Variants in MTUS2 observed in about 807,000 individuals in gnomAD.
MTUS2 encodes microtubule-associated tumor suppressor candidate 2.
Under a neutral mutation model 114.1 loss-of-function variants are expected in MTUS2, and 40 were observed. That is an observed-to-expected ratio of 0.35 (90% CI 0.27 to 0.46). The LOEUF (loss-of-function observed/expected upper bound fraction) is 0.46, where lower values mean the gene tolerates loss of function less well. Ranked by LOEUF, MTUS2 falls within the 20% of genes least tolerant of loss-of-function variation. The probability of loss-of-function intolerance (pLI) is 1.00; values close to 1 mark genes in which losing one functional copy is unlikely to be tolerated. For synonymous variants in MTUS2, 688 were observed against 672.0 expected, an observed-to-expected ratio of 1.02 and a Z score of -0.37; for missense variants, 1,679 against 1,705.4, an observed-to-expected ratio of 0.98 and a Z score of 0.27.
intron 7 of MTUS2, among the ~76,000 whole-genome samples, chr13:29,338,179 T>C (rs1901181224): frequency 6.6e-6 from 1 of 152,216 alleles, no homozygotes; most frequent in South Asian, 2.1e-4. Context: ...CCCGATAGTC[T>C]AGGGCTTGTT....
chr13:29,278,298 T>TGA (rs1898140758), intron 5 of MTUS2, among the ~76,000 whole-genome samples: 1 of 152,170 alleles, frequency 6.6e-6, no homozygotes, highest in Admixed American at 6.5e-5. Context: ...TGCATTAAAA[T>TGA]GAGAAAGTTC....
Position 28,834,710 on chromosome 13 carries a change from G to GAT in MTUS2, c.-315-5065_-315-5064dup, listed in dbSNP as rs1874948443. Among the ~76,000 whole-genome samples the GAT allele has an allele frequency of 2.0e-5, 3 of 152,142 alleles. No individual in the cohort carries two copies. In the South Asian group the frequency reaches 6.2e-4, roughly 32 times the overall value. ...AATTACAAAATTGTTTCCTTCAGAGGATATCATCAAGAAAGAGAAAAGACA... is the reference window on the plus strand; with the variant it reads ...AATTACAAAATTGTTTCCTTCAGAGGATATATCATCAAGAAAGAGAAAAGACA... On this transcript the variant is annotated intron_variant, in intron 1 of 15. Coordinates refer to ENST00000612955, the MANE Select transcript of MTUS2 (RefSeq NM_001033602.4).
chr13:29,002,459 TTATC>T (rs1371403880), intron 2 of MTUS2, among the ~76,000 whole-genome samples: 3 of 152,212 alleles, frequency 2.0e-5, no homozygotes, highest in South Asian at 2.1e-4. Context: ...CAGAATTTGA[TTATC>T]TATTACAAAG....
rs531372174 is a variant in MTUS2 at position 29,496,795 on chromosome 13, G to A, written c.3580-443G>A. Among the ~76,000 whole-genome samples the A allele has an allele frequency of 2.0e-5, 3 of 152,220 alleles. No homozygotes were observed. The highest frequency in any genetic ancestry group is 4.8e-5 in the African/African-American group (2 of 41,526). ...TGTTGATGTGGGAGGGGTCCCAAGG[G>A]AGAGAAAGAAGTCAAGGAGGGTTTG... is the stretch of plus-strand genomic sequence containing the variant. On this transcript the variant is annotated intron_variant, in intron 12 of 15. Transcript: ENST00000612955. The surrounding 1 kb of genome is among the most constrained non-coding windows in gnomAD (Gnocchi z 4.3).
At chr13:29,469,637 A>AAAAAAG (rs1555282875) in intron 9 of MTUS2, among the ~76,000 whole-genome samples, 1 of 146,702 alleles carries the variant, frequency 6.8e-6, no homozygotes, top group African/African-American at 2.6e-5. Flanking sequence ...AAAAAAAAAA[A>AAAAAAG]AAAGAAAGAA....
At chr13:28,991,220 G>T (rs1163324799) in intron 2 of MTUS2, among the ~76,000 whole-genome samples, 1 of 152,322 alleles carries the variant, frequency 6.6e-6, no homozygotes, top group Non-Finnish European at 1.5e-5. Flanking sequence ...GGTCCCTGCT[G>T]CTCTTGATCA....
At chr13:29,357,119 A>G (rs1869808124) in intron 7 of MTUS2, among the ~76,000 whole-genome samples, 1 of 152,188 alleles carries the variant, frequency 6.6e-6, no homozygotes, top group Admixed American at 6.5e-5. Flanking sequence ...CCAAGAATAG[A>G]ATTTCACTGA....
In MTUS2 at chr13:29,325,545, AG is replaced by A. The variant is rs1566132092; in HGVS notation, c.2905+835del. The stretch of plus-strand genomic sequence containing the variant: ...AGGAGGGAGGAAGGAGAAGAAAAGA[AG>A]AAGGAAGAAGAGGAAGAAGAAGAAG... On this transcript the variant is annotated intron_variant, in intron 7 of 15. Transcript: ENST00000612955. 6.8e-5 allele frequency among the ~76,000 whole-genome samples: 9 copies of A among 131,832 alleles called. No individual in the cohort carries two copies. In the East Asian group the frequency reaches 1.1e-3, roughly 16 times the overall value. 86.5% of individuals were successfully genotyped at this position (131,832 alleles called of 152,430 possible). A position where few individuals can be genotyped will look rare whatever the true frequency, so the allele number is the denominator to read the frequency against.
rs373610198 is a variant in MTUS2 at position 29,345,653 on chromosome 13, C to A, written c.2906-13609C>A. The stretch of plus-strand genomic sequence containing the variant: ...TCAAACTTCTGAATTATTTTTCTGG[C>A]AATTCAGAGATTTCTTCTTGGTTTG... On this transcript the variant is annotated intron_variant, in intron 7 of 15. Transcript: ENST00000612955. Among the ~76,000 whole-genome samples the A allele has an allele frequency of 5.3e-5, 8 of 152,130 alleles. No individual in the cohort carries two copies. The East Asian group carries it at 7.8e-4, about 15-fold the overall frequency.
chr13:29,157,125 G>A (rs78856264), intron 5 of MTUS2, among the ~76,000 whole-genome samples: 2 of 152,172 alleles, frequency 1.3e-5, no homozygotes, highest in Admixed American at 6.5e-5. Context: ...TGCCATGCTC[G>A]TGGGTATCTC....
rs774743665 is a variant in MTUS2 at position 29,100,794 on chromosome 13, G to A, written c.2468G>A (p.Ser823Asn). The change falls in exon 5 of 16, where the codon AGT (serine) becomes AAT (asparagine). Residue 823 changes from serine (S) to asparagine (N), a missense_variant. Ser to Asn is a conservative substitution (Grantham distance 46). Around this residue, in one of 3 missense-constraint regions of MTUS2, gnomAD observed 822 missense variants for 899.7 expected, o/e 0.91. Coordinates refer to ENST00000612955, the MANE Select transcript of MTUS2 (RefSeq NM_001033602.4). ...TTAGCAGATTTAAAGAAAGCTTCCA[G>A]TTCAAATGCTGCAAAATCCAATCTC... ...DPSADLKKAS[S>N]SNAAKSNLPK... 1.4e-5 allele frequency: 22 copies of A among 1,551,606 alleles called. No individual in the cohort carries two copies. In the South Asian group the frequency reaches 2.3e-4, roughly 16 times the overall value.
chr13:29,070,743 C>G (rs888734065), intron 4 of MTUS2, among the ~76,000 whole-genome samples: 9 of 152,042 alleles, frequency 5.9e-5, no homozygotes, highest in African/African-American at 2.2e-4. Context: ...ATCTTGTGTT[C>G]TTGTTAGTTT....
chr13:29,307,211 A>G, intron 6 of MTUS2: 4 of 562,024 alleles, frequency 7.1e-6, no homozygotes, highest in South Asian at 5.0e-5. Context: ...AGCAGCCTCA[A>G]GATCATCAGC....
intron 2 of MTUS2, among the ~76,000 whole-genome samples, chr13:28,903,975 C>T (rs1297209766): frequency 1.3e-5 from 2 of 152,278 alleles, no homozygotes; most frequent in South Asian, 2.1e-4. Context: ...GAGATGGTAT[C>T]TCATTGTGGT....
At chr13:29,290,894 C>T (rs1030866526) in intron 6 of MTUS2, among the ~76,000 whole-genome samples, 1 of 152,174 alleles carries the variant, frequency 6.6e-6, no homozygotes, top group African/African-American at 2.4e-5. Flanking sequence ...AAAGCAGGCT[C>T]TCAACAAATA....
At chr13:28,995,137 G>A (rs1593365657) in intron 2 of MTUS2, among the ~76,000 whole-genome samples, 1 of 152,170 alleles carries the variant, frequency 6.6e-6, no homozygotes, top group East Asian at 1.9e-4. Flanking sequence ...AGTCTTCCCA[G>A]CACCATTTAT....
At chr13:29,162,328 A>C (rs1893132948) in intron 5 of MTUS2, among the ~76,000 whole-genome samples, 1 of 152,142 alleles carries the variant, frequency 6.6e-6, no homozygotes, top group Non-Finnish European at 1.5e-5. Flanking sequence ...TAATTATATA[A>C]GTGATTTGTT....
intron 6 of MTUS2, chr13:29,306,826 C>A: frequency 2.2e-6 from 1 of 455,046 alleles, no homozygotes; most frequent in South Asian, 1.6e-5. Context: ...TGTTAGGTGT[C>A]TGGTCACCAG....
At chr13:28,857,498 T>G (rs1876710187) in intron 2 of MTUS2, among the ~76,000 whole-genome samples, 1 of 152,162 alleles carries the variant, frequency 6.6e-6, no homozygotes, top group African/African-American at 2.4e-5. Flanking sequence ...AAGAGGGTTT[T>G]CATATCAAGA....
Sources: gnomAD v4.1 joint callset for allele counts (sites outside exome capture counted in the v4.1 genomes callset) on GRCh38, gnomAD v4.1.1 for gene constraint, gnomAD v4.1.1 regional missense constraint, Gnocchi (gnomAD v3.1) non-coding constraint, MANE v1.5 for transcripts, NCBI Gene and HGNC (gene_info 2026-07-23, HGNC 2026-07-21) for gene names.